The following SP7 variants were observed in gnomAD, a reference collection of about 807,000 sequenced individuals.
SP7 encodes transcription factor Sp7.
Under a neutral mutation model 27.9 loss-of-function variants are expected in SP7, and 13 were observed. The ratio of observed to expected loss-of-function variants is 0.47; its 90% CI spans 0.30 to 0.74. The LOEUF (loss-of-function observed/expected upper bound fraction) is 0.74, where lower values mean the gene tolerates loss of function less well. Among genes scored for constraint, SP7 ranks in the 30% least tolerant of loss-of-function variants. The probability of loss-of-function intolerance (pLI) is 0.06; values close to 1 mark genes in which losing one functional copy is unlikely to be tolerated. For synonymous variants in SP7, 219 were observed against 226.7 expected (o/e 0.97, Z 0.31); for missense variants, 525 against 558.0 (o/e 0.94, Z 0.60).
chr12:53,335,708 G>A lies in SP7; in HGVS notation c.-47-15C>T, dbSNP rs74695556. The A allele has an allele frequency of 6.7e-6, 9 of 1,336,982 alleles. No homozygotes were observed. In the East Asian group the frequency reaches 1.8e-4, roughly 27 times the overall value. The allele number at this position is 1,336,982 out of a possible 1,614,324, so 82.8% of individuals were successfully genotyped here. ...GATGGAGAGAGCTGAGCCGGGGGGTGGGGGGGGTAGAGAGAGAAAAGGGAG... is the reference window on the plus strand; with the variant it reads ...GATGGAGAGAGCTGAGCCGGGGGGTAGGGGGGGTAGAGAGAGAAAAGGGAG... On this transcript the variant is annotated splice_polypyrimidine_tract_variant and intron_variant, in intron 1 of 2. Transcript: ENST00000536324.
intron 1 of SP7, among the ~76,000 whole-genome samples, chr12:53,341,821 G>C (rs1295525956): frequency 6.6e-6 from 1 of 152,230 alleles, no homozygotes; most frequent in African/African-American, 2.4e-5. Flanking sequence ...AGCACTTTGA[G>C]AGGCTGAGGA....
chr12:53,335,571 G>T, intron 2 of SP7, 55 bp downstream of exon 2: 1 of 916,164 alleles, frequency 1.1e-6, no homozygotes, highest in Non-Finnish European at 1.8e-6. Flanking sequence ...GGTGGGCAAG[G>T]ACTAGGACCA....
chr12:53,329,467 CA>C (rs1565790896), intron 2 of SP7, 47 bp from the exon 3 acceptor site: 12 of 1,550,444 alleles, frequency 7.7e-6, no homozygotes, highest in African/African-American at 1.4e-5. Context: ...AGGAGAGGTA[CA>C]AAATGAAGGG....
At position 53,344,170 on chromosome 12, in the gene SP7, G is replaced by A. The variant is rs185336993; in HGVS notation, c.-34+944C>T. ...AGTCACACATGACTTCCCTTGATCTGTGTGTTGATGTGTGCACTTGCACAC... is the reference window on the plus strand; with the variant it reads ...AGTCACACATGACTTCCCTTGATCTATGTGTTGATGTGTGCACTTGCACAC... On this transcript the variant is annotated intron_variant, in intron 1 of 1. Coordinates refer to the SP7 transcript ENST00000547755. The surrounding 1 kb of genome is among the most constrained non-coding windows in gnomAD (Gnocchi z 4.6). 2.0e-5 allele frequency among the ~76,000 whole-genome samples: 3 copies of A among 152,334 alleles called. No individual in the cohort carries two copies. Among genetic ancestry groups the A allele is most frequent in the African/African-American group, 7.2e-5 (3 of 41,578 alleles).
intron 2 of SP7, 72 bp downstream of exon 2, chr12:53,335,554 G>A: frequency 1.3e-6 from 1 of 786,068 alleles, no homozygotes; most frequent in Non-Finnish European, 2.2e-6. Flanking sequence ...GTGAGTTGGA[G>A]GAGGTGGGTG....
rs1944642861 is a variant in SP7 at position 53,327,290 on chromosome 12, T to A, written c.*856A>T. 6.6e-6 allele frequency: 1 copy of A among 152,640 alleles called. No individual in the cohort carries two copies. The highest frequency in any genetic ancestry group is 2.4e-5 in the African/African-American group (1 of 41,442). The allele number at this position is 152,640 out of a possible 1,614,324, so 9.5% of individuals were successfully genotyped here. On this transcript the variant is annotated 3_prime_UTR_variant, in exon 3 of 3. Transcript: ENST00000536324. ...TAGCAGAGATGTAGCTAACCCAATT[T>A]GTAGAGACTTCATTACAAGAGAAAC...
At position 53,328,130 on chromosome 12, in the gene SP7, A is replaced by T; in HGVS notation, c.*16T>A. 1 of 1,592,996 alleles carries T rather than the reference A, an allele frequency of 6.3e-7. No homozygotes were observed. The highest frequency in any genetic ancestry group is 8.5e-7 in the Non-Finnish European group (1 of 1,170,968). On this transcript the variant is annotated 3_prime_UTR_variant, in exon 3 of 3. Transcript: ENST00000536324. The surrounding 1 kb of genome is among the most constrained non-coding windows in gnomAD (Gnocchi z 5.1). ...ACTGTCAGGGCAGCCCTGGGGTGGG[A>T]GACCTTCCACCCGGCTCAGATCTCC...
upstream of SP7, among the ~76,000 whole-genome samples, chr12:53,340,038 A>T (rs923412209): frequency 6.6e-6 from 1 of 152,208 alleles, no homozygotes; most frequent in East Asian, 1.9e-4. Context: ...ACACAAGGTG[A>T]CACATAATTC....
At chr12:53,332,843 C>G (rs756411449) in intron 2 of SP7, among the ~76,000 whole-genome samples, 15 of 152,128 alleles carry the variant, frequency 9.9e-5, no homozygotes, top group Admixed American at 2.0e-4. Flanking sequence ...CTTCTTCTCC[C>G]CCCTGACCGC....
chr12:53,328,155 C>G lies in SP7; in HGVS notation c.1287G>C (p.Leu429=), dbSNP rs1288819819. Residue 429 remains leucine, a synonymous_variant, in exon 3 of 3, where the codon CTG becomes CTC. Coordinates refer to ENST00000536324, the MANE Select transcript of SP7 (RefSeq NM_001173467.3). The surrounding 1 kb of genome is among the most constrained non-coding windows in gnomAD (Gnocchi z 5.1). Reference sequence around the variant, plus strand: ...AGACCTTCCACCCGGCTCAGATCTCCAGCAAGTTGCTCTGCTCAGGGCTGC... The same window carrying G: ...AGACCTTCCACCCGGCTCAGATCTCGAGCAAGTTGCTCTGCTCAGGGCTGC... ...PGGSPEQSNL[L]EI The G allele has an allele frequency of 1.2e-6, 2 of 1,610,818 alleles. No individual in the cohort carries two copies. The highest frequency in any genetic ancestry group is 2.2e-5 in the South Asian group (2 of 90,632).
At chr12:53,341,226 T>C (rs1370310933), upstream of SP7, among the ~76,000 whole-genome samples, 1 of 152,206 alleles carries the variant, frequency 6.6e-6, no homozygotes, top group African/African-American at 2.4e-5. Context: ...AGGCAGGACC[T>C]CTGGGACTGA....
chr12:53,335,440 C>T (rs1944755888), intron 2 of SP7, among the ~76,000 whole-genome samples, 186 bp downstream of exon 2: 1 of 151,848 alleles, frequency 6.6e-6, no homozygotes, highest in African/African-American at 2.4e-5. Context: ...CCCTATTCTT[C>T]CCTCCCTTTT....
chr12:53,328,519 G>A lies in SP7; in HGVS notation c.923C>T (p.Ala308Val). 1 of 1,613,914 alleles carries A rather than the reference G, an allele frequency of 6.2e-7. No individual in the cohort carries two copies. The highest frequency in any genetic ancestry group is 8.5e-7 in the Non-Finnish European group (1 of 1,179,872). Residue 308 changes from alanine to valine, a missense_variant, in exon 3 of 3, where the codon GCT becomes GTT. Physicochemically the swap from Ala to Val is moderately conservative, Grantham distance 64. Coordinates refer to ENST00000536324, the MANE Select transcript of SP7 (RefSeq NM_001173467.3). The surrounding 1 kb of genome is among the most constrained non-coding windows in gnomAD (Gnocchi z 5.1). ...GCGCAAGTGGGCCTTCAGGTGCGAA[G>A]CCTTGCCATACACCTTGCCGCAGCC... ...IPGCGKVYGK[A>V]SHLKAHLRWH...
Position 53,344,303 on chromosome 12 carries a change from C to T in SP7, c.-34+811G>A, listed in dbSNP as rs544913263. Among the ~76,000 whole-genome samples the T allele has an allele frequency of 6.6e-6, 1 of 152,048 alleles. No homozygotes were observed. The highest frequency in any genetic ancestry group is 1.5e-5 in the Non-Finnish European group (1 of 68,008). ...GCCAGGGCAGTATCTGAGGACCTGG[C>T]CCTCAGTCTCCCAGAAGAACCCCCG... On this transcript the variant is annotated intron_variant, in intron 1 of 1. Transcript: ENST00000547755. The surrounding 1 kb of genome is among the most constrained non-coding windows in gnomAD (Gnocchi z 4.6).
chr12:53,331,393 C>T (rs1331632958), intron 2 of SP7, among the ~76,000 whole-genome samples: 3 of 146,938 alleles, frequency 2.0e-5, no homozygotes, highest in African/African-American at 7.5e-5. Flanking sequence ...ATTGCTTGAA[C>T]CTGGGAGGTG....
intron 1 of SP7, among the ~76,000 whole-genome samples, chr12:53,343,319 G>A (rs1343191494): frequency 2.0e-5 from 3 of 152,138 alleles, no homozygotes; most frequent in Non-Finnish European, 4.4e-5. Flanking sequence ...GAGGCTGATG[G>A]AGAAGTTCTA....
chr12:53,327,810 C>G lies in SP7; in HGVS notation c.*336G>C, dbSNP rs1346997712. Reference sequence around the variant, plus strand: ...TTGAGAAGCAGAAAGGGGTACATGTCAAGGAGTGAGATGGAGAAATAGTGT... The same window carrying G: ...TTGAGAAGCAGAAAGGGGTACATGTGAAGGAGTGAGATGGAGAAATAGTGT... On this transcript the variant is annotated 3_prime_UTR_variant, in exon 3 of 3. Coordinates refer to ENST00000536324, the MANE Select transcript of SP7 (RefSeq NM_001173467.3). 3 of 320,188 alleles carry G rather than the reference C, an allele frequency of 9.4e-6. No individual in the cohort carries two copies. The highest frequency in any genetic ancestry group is 1.7e-5 in the Non-Finnish European group (3 of 174,068). The allele number at this position is 320,188 out of a possible 1,614,324, so 19.8% of individuals were successfully genotyped here.
At chr12:53,335,886 G>T in intron 1 of SP7, 193 bp from the exon 2 acceptor site, 1 of 1,287,798 alleles carries the variant, frequency 7.8e-7, no homozygotes, top group Non-Finnish European at 1.0e-6. Flanking sequence ...GAGAGAGGGA[G>T]GCAGAGGGTC....
Position 53,332,845 on chromosome 12 carries a change from C to T in SP7, c.21+2781G>A, listed in dbSNP as rs75821839. 1.2e-3 allele frequency among the ~76,000 whole-genome samples: 179 copies of T among 152,260 alleles called. 3 individuals carry two copies. In the East Asian group the frequency reaches 0.022, roughly 18 times the overall value. On this transcript the variant is annotated intron_variant, in intron 2 of 2. Transcript: ENST00000536324. ...AGGCCACTCCTCCCTTCTTCTCCCCCCTGACCGCCCCCTCTCCCTCTGCCC... is the reference window on the plus strand; with the variant it reads ...AGGCCACTCCTCCCTTCTTCTCCCCTCTGACCGCCCCCTCTCCCTCTGCCC...
Sources: gnomAD v4.1 joint callset for allele counts (sites outside exome capture counted in the v4.1 genomes callset) on GRCh38, gnomAD v4.1.1 for gene constraint, Gnocchi (gnomAD v3.1) non-coding constraint, MANE v1.5 for transcripts, NCBI Gene and HGNC (gene_info 2026-07-23, HGNC 2026-07-21) for gene names.